Variants in RYR3 observed in about 807,000 individuals in gnomAD.
RYR3 encodes the protein brain ryanodine receptor-calcium release channel.
Under a neutral mutation model 584.3 loss-of-function variants are expected in RYR3, and 207 were observed. The ratio of observed to expected loss-of-function variants is 0.35; its 90% confidence interval spans 0.32 to 0.40. The LOEUF is 0.40. Ranked by LOEUF, RYR3 falls within the 10% of genes least tolerant of loss-of-function variation. RYR3 has a pLI of 1.00. For synonymous variants in RYR3, 2,416 were observed against 2,248.5 expected, an observed-to-expected ratio of 1.07 and a Z score of -2.11; for missense variants, 5,616 against 6,089.2, an observed-to-expected ratio of 0.92 and a Z score of 2.59.
chr15:33,701,086 C>T lies in RYR3; in HGVS notation c.6483+6C>T, dbSNP rs746661263. The T allele has an allele frequency of 7.5e-6, 12 of 1,603,724 alleles. No homozygotes were observed. The highest frequency in any genetic ancestry group is 1.6e-4 in the Middle Eastern group (1 of 6,072). ...AGGAACCAGACCTCGAGAAGGTAAC[C>T]GGCCCTTGGGGTGGCAGTGTGGTGT... On this transcript the variant is annotated splice_donor_region_variant and intron_variant, in intron 42 of 103. Transcript: ENST00000634891.
intron 1 of RYR3, among the ~76,000 whole-genome samples, chr15:33,324,144 T>TTA (rs896022387): frequency 8.9e-6 from 1 of 112,330 alleles, no homozygotes; most frequent in African/African-American, 5.8e-5. Context: ...TCCAAGGCAT[T>TTA]TGCCTTGGAT....
intron 1 of RYR3, among the ~76,000 whole-genome samples, chr15:33,443,963 A>G (rs1013503537): frequency 3.3e-5 from 5 of 152,214 alleles, no homozygotes; most frequent in Non-Finnish European, 7.3e-5. Context: ...GGCAGCCACC[A>G]TGTGAAATCT....
chr15:33,405,022 A>G (rs2042928382), intron 1 of RYR3, among the ~76,000 whole-genome samples: 1 of 152,212 alleles, frequency 6.6e-6, no homozygotes, highest in East Asian at 1.9e-4. Context: ...TGATTGTCTC[A>G]TTTGGTAAAT....
At chr15:33,475,038 G>GGTTTTTTT (rs1215241078) in intron 2 of RYR3, among the ~76,000 whole-genome samples, 1 of 152,110 alleles carries the variant, frequency 6.6e-6, no homozygotes, top group Non-Finnish European at 1.5e-5. Flanking sequence ...TTCTTAGCTA[G>GGTTTTTTT]GTTTTTTTGT....
chr15:33,313,360 A>G (rs1967628067), intron 1 of RYR3, among the ~76,000 whole-genome samples: 1 of 152,242 alleles, frequency 6.6e-6, no homozygotes, highest in Non-Finnish European at 1.5e-5. Context: ...CAGATGTTAT[A>G]TATAGTCTTA....
At chr15:33,554,025 A>C (rs995937514) in intron 10 of RYR3, among the ~76,000 whole-genome samples, 1 of 152,028 alleles carries the variant, frequency 6.6e-6, no homozygotes, top group Non-Finnish European at 1.5e-5. Context: ...GCCCCTCTGC[A>C]CTCTACCACA....
chr15:33,731,223 G>A (rs1179904874), intron 47 of RYR3, among the ~76,000 whole-genome samples: 1 of 151,214 alleles, frequency 6.6e-6, no homozygotes, highest in Non-Finnish European at 1.5e-5. Flanking sequence ...GGAAGACTTA[G>A]AGCCAGCTAG....
rs140230015 is a variant in RYR3, at chr15:33,828,227, C to T, written c.11334+940C>T. On this transcript the variant is annotated intron_variant, in intron 85 of 103. Transcript: ENST00000634891. ...TGTTGCATGTGTTCTCACCATTCCA[C>T]CAACTGTTCCTCCATCTCCCTCCTT... 4.7e-3 allele frequency among the ~76,000 whole-genome samples: 719 copies of T among 152,324 alleles called. 5 individuals carry two copies. The highest frequency in any genetic ancestry group is 0.016 in the African/African-American group (683 of 41,560).
chr15:33,792,401 C>T (rs1057009539), intron 67 of RYR3, among the ~76,000 whole-genome samples: 14 of 152,254 alleles, frequency 9.2e-5, no homozygotes, highest in African/African-American at 2.9e-4. Flanking sequence ...CTCATTCTTT[C>T]TCTATCCCTT....
At chr15:33,339,617 C>T (rs563602396) in intron 1 of RYR3, among the ~76,000 whole-genome samples, 11 of 152,256 alleles carry the variant, frequency 7.2e-5, no homozygotes, top group Admixed American at 5.2e-4. Context: ...CGGCCGGGCG[C>T]GGTGGCTCAC....
chr15:33,511,842 G>T (rs1260858377), intron 3 of RYR3, among the ~76,000 whole-genome samples: 2 of 152,108 alleles, frequency 1.3e-5, no homozygotes, highest in East Asian at 3.9e-4. Context: ...GCAGTGGCGC[G>T]ATCTCGGCTC....
At chr15:33,453,886 A>C (rs1001012701) in intron 1 of RYR3, among the ~76,000 whole-genome samples, 2 of 152,238 alleles carry the variant, frequency 1.3e-5, no homozygotes, top group Non-Finnish European at 2.9e-5. Context: ...ACAGTGAGTC[A>C]AACACAGCCT....
chr15:33,781,784 A>G (rs1453082851), intron 65 of RYR3, among the ~76,000 whole-genome samples: 2 of 150,170 alleles, frequency 1.3e-5, no homozygotes, highest in Admixed American at 1.3e-4. Flanking sequence ...TATGAAATCT[A>G]TAAGTTAACC....
Position 33,601,541 on chromosome 15 carries a change from C to T in RYR3, c.1911C>T (p.Asn637=), listed in dbSNP as rs199980142. The change falls in exon 17 of 104, where the codon AAC becomes AAT. Residue 637 remains asparagine (N), a synonymous_variant. Coordinates refer to ENST00000634891, the MANE Select transcript of RYR3 (RefSeq NM_001036.6). ...TACTCCTGCAGACACGACTGATTAA[C>T]GATGTAACCAGGTAAGGCCACCACC... ...RNLLLQTRLI[N]DVTSIRPNIF... The T allele has an allele frequency of 2.3e-5, 37 of 1,613,732 alleles. No homozygotes were observed. Among genetic ancestry groups the T allele is most frequent in the African/African-American group, 9.3e-5 (7 of 75,020 alleles).
At chr15:33,681,773 A>G (rs1390585694) in intron 38 of RYR3, among the ~76,000 whole-genome samples, 1 of 152,130 alleles carries the variant, frequency 6.6e-6, no homozygotes, top group South Asian at 2.1e-4. Flanking sequence ...GTGTGGTGCA[A>G]TTTTGTTTGC....
chr15:33,581,027 C>G (rs1251366645), intron 13 of RYR3, among the ~76,000 whole-genome samples: 1 of 139,378 alleles, frequency 7.2e-6, no homozygotes, highest in African/African-American at 2.7e-5. Context: ...TCTCTAAATC[C>G]CCTTTTTTTG....
chr15:33,766,890 T>A (rs1237004358), intron 60 of RYR3, among the ~76,000 whole-genome samples: 1 of 152,202 alleles, frequency 6.6e-6, no homozygotes, highest in South Asian at 2.1e-4. Context: ...GGGGCCCTCA[T>A]AACTCTGGGC....
intron 16 of RYR3, among the ~76,000 whole-genome samples, chr15:33,593,435 G>A (rs899581440): frequency 6.6e-6 from 1 of 152,082 alleles, no homozygotes. Context: ...ACAGTGGGGA[G>A]GAAGGGAGAG....
At chr15:33,430,241 G>A (rs1363580532) in intron 1 of RYR3, among the ~76,000 whole-genome samples, 3 of 152,198 alleles carry the variant, frequency 2.0e-5, no homozygotes, top group East Asian at 1.9e-4. Flanking sequence ...AAGGAGAATC[G>A]GGCAGCTAAT....
Sources: gnomAD v4.1 joint callset for allele counts (sites outside exome capture counted in the v4.1 genomes callset) on GRCh38, gnomAD v4.1.1 for gene constraint, MANE v1.5 for transcripts, NCBI Gene and HGNC (gene_info 2026-07-23, HGNC 2026-07-21) for gene names.